Variants in TENM2 observed in about 807,000 individuals in gnomAD.
The protein encoded by TENM2 is teneurin transmembrane protein 2.
A neutral mutation model predicts 245.2 loss-of-function variants in TENM2; 52 were observed. That is an observed-to-expected ratio of 0.21 (90% CI 0.17 to 0.27). The LOEUF (loss-of-function observed/expected upper bound fraction) is 0.27, where lower values mean the gene tolerates loss of function less well. Among genes scored for constraint, TENM2 ranks in the 10% least tolerant of loss-of-function variants. TENM2 has a pLI of 1.00. For missense variants in TENM2, 3,046 were observed against 3,666.8 expected (o/e 0.83, Z 4.37); for synonymous variants, 1,363 against 1,438.9 (o/e 0.95, Z 1.19).
chr5:167,614,661 GTGT>G (rs1188479133), intron 2 of TENM2, among the ~76,000 whole-genome samples: 1 of 152,112 alleles, frequency 6.6e-6, no homozygotes, highest in East Asian at 1.9e-4. Flanking sequence ...TTTCCAGCCT[GTGT>G]TTTTCTGGTT....
chr5:167,250,707 G>A, the TENM2 span, among the ~76,000 whole-genome samples: 1 of 152,072 alleles, frequency 6.6e-6, no homozygotes, highest in Non-Finnish European at 1.5e-5. Context: ...AGAAACATGT[G>A]TCCTACTGAG....
intron 3 of TENM2, among the ~76,000 whole-genome samples, chr5:167,907,319 T>G (rs1211832217): frequency 2.0e-5 from 3 of 151,322 alleles, no homozygotes; most frequent in Non-Finnish European, 4.4e-5. Flanking sequence ...AATACTATAT[T>G]CCATACATTT....
chr5:167,245,473 C>A, the TENM2 span, among the ~76,000 whole-genome samples: 59 of 150,446 alleles, frequency 3.9e-4, no homozygotes, highest in African/African-American at 1.4e-3. Context: ...ACAAATATTT[C>A]AAATGTGCAT....
upstream of TENM2, among the ~76,000 whole-genome samples, chr5:167,281,339 A>C (rs891672483): frequency 6.7e-6 from 1 of 148,950 alleles, no homozygotes; most frequent in African/African-American, 2.5e-5. Flanking sequence ...CTGGTCTTGA[A>C]CTCCTAACCT....
chr5:167,459,506 A>G (rs1229043406), intron 2 of TENM2, among the ~76,000 whole-genome samples: 3 of 152,218 alleles, frequency 2.0e-5, no homozygotes, highest in Admixed American at 1.3e-4. Flanking sequence ...CCTTTGGGGT[A>G]TATACCCCCA....
chr5:168,170,396 C>G (rs1758698915), intron 13 of TENM2, among the ~76,000 whole-genome samples: 1 of 152,050 alleles, frequency 6.6e-6, no homozygotes, highest in Non-Finnish European at 1.5e-5. Context: ...CCCAGCTACT[C>G]AGGAAGCTGA....
chr5:167,899,209 T>C (rs552577208), intron 3 of TENM2, among the ~76,000 whole-genome samples: 3 of 150,782 alleles, frequency 2.0e-5, no homozygotes, highest in Non-Finnish European at 3.0e-5. Flanking sequence ...GGGGAAAAAA[T>C]AGAAAGAGAA....
the TENM2 span, among the ~76,000 whole-genome samples, chr5:167,150,860 T>A: frequency 1.1e-4 from 17 of 152,370 alleles, no homozygotes; most frequent in African/African-American, 3.8e-4. Flanking sequence ...CAATATCTTA[T>A]GATTACAATT....
the TENM2 span, among the ~76,000 whole-genome samples, chr5:167,232,270 C>T: frequency 3.3e-5 from 5 of 152,224 alleles, no homozygotes; most frequent in Admixed American, 6.5e-5. Flanking sequence ...CCAGAATGAT[C>T]GATTCACCAA....
chr5:167,410,373 C>G (rs1210746787), intron 2 of TENM2, among the ~76,000 whole-genome samples: 3 of 151,942 alleles, frequency 2.0e-5, no homozygotes, highest in Non-Finnish European at 4.4e-5. Context: ...GCTATTTAAG[C>G]CTAATAAGCC....
At chr5:167,727,104 C>CTTTTTTTTTTTTTT (rs1227700479) in intron 2 of TENM2, among the ~76,000 whole-genome samples, 3 of 96,132 alleles carry the variant, frequency 3.1e-5, no homozygotes, top group African/African-American at 4.1e-5. Context: ...CCATTAATTT[C>CTTTTTTTTTTTTTT]TTTTTTTTTT....
At chr5:167,805,081 A>G (rs571991462) in intron 2 of TENM2, among the ~76,000 whole-genome samples, 2 of 152,240 alleles carry the variant, frequency 1.3e-5, no homozygotes, top group Non-Finnish European at 2.9e-5. Context: ...AGACATCCTG[A>G]CTTGGCTGCT....
chr5:168,200,961 T>C (rs1761884735), intron 17 of TENM2, among the ~76,000 whole-genome samples: 1 of 152,168 alleles, frequency 6.6e-6, no homozygotes, highest in South Asian at 2.1e-4. Context: ...CCTCAGAAAT[T>C]TTCACTATAA....
chr5:167,568,464 C>G (rs58671429), intron 2 of TENM2, among the ~76,000 whole-genome samples: 7,225 of 152,076 alleles, frequency 0.048, 472 homozygotes, highest in East Asian at 0.17. Context: ...GGTCTAGCTA[C>G]TAGGAATATA....
chr5:167,144,755 C>T, the TENM2 span, among the ~76,000 whole-genome samples: 1 of 152,130 alleles, frequency 6.6e-6, no homozygotes, highest in East Asian at 1.9e-4. Context: ...AAGAGCTGTC[C>T]GTGTGCTGTG....
In TENM2 at chr5:167,877,538, A is replaced by G. The variant is rs567814133; in HGVS notation, c.712+1343A>G. On this transcript the variant is annotated intron_variant, in intron 3 of 28. Transcript: ENST00000518659. ...AGAAATGTGATTATGGCACTCTTAA[A>G]ATGACATTACATCATTGGGGTGATT... 7.2e-5 allele frequency among the ~76,000 whole-genome samples: 11 copies of G among 152,348 alleles called. No homozygotes were observed. In the East Asian group the frequency reaches 1.9e-3, roughly 27 times the overall value.
intron 2 of TENM2, among the ~76,000 whole-genome samples, chr5:167,634,347 T>G (rs191056665): frequency 2.6e-5 from 4 of 152,324 alleles, no homozygotes; most frequent in African/African-American, 9.6e-5. Flanking sequence ...AGAGAAGAGT[T>G]CTAGAAAGTT....
At chr5:167,267,535 T>A in the TENM2 span, among the ~76,000 whole-genome samples, 7 of 152,140 alleles carry the variant, frequency 4.6e-5, no homozygotes, top group African/African-American at 1.7e-4. Flanking sequence ...ACTATCTCTA[T>A]ATTCCAGGCA....
chr5:167,937,656 GA>G (rs1561956454), intron 3 of TENM2: 1 of 151,748 alleles, frequency 6.6e-6, no homozygotes, highest in African/African-American at 2.4e-5. Flanking sequence ...GTTGGTTAAC[GA>G]AAAAGAAAAG....
Sources: gnomAD v4.1 joint callset for allele counts (sites outside exome capture counted in the v4.1 genomes callset) on GRCh38, gnomAD v4.1.1 for gene constraint, MANE v1.5 for transcripts, NCBI Gene and HGNC (gene_info 2026-07-23, HGNC 2026-07-21) for gene names.